Variants in EPS15 observed in about 807,000 individuals in gnomAD.
EPS15 encodes epidermal growth factor receptor pathway substrate 15.
EPS15 carries 72 observed loss-of-function variants against 113.8 expected under a neutral mutation model. The observed-to-expected ratio is 0.63, with a 90% CI of 0.52 to 0.77. The LOEUF (loss-of-function observed/expected upper bound fraction) is 0.77. Among genes scored for constraint, EPS15 ranks in the 30% least tolerant of loss-of-function variants. The pLI is 0.00. For synonymous variants in EPS15, 344 were observed against 363.4 expected, an observed-to-expected ratio of 0.95 and a Z score of 0.61; for missense variants, 1,048 against 1,045.8, an observed-to-expected ratio of 1.00 and a Z score of -0.03.
At chr1:51,416,087 C>T (rs1358004669) in intron 13 of EPS15, among the ~76,000 whole-genome samples, 2 of 152,098 alleles carry the variant, frequency 1.3e-5, no homozygotes, top group Non-Finnish European at 2.9e-5. Context: ...ATGTACCTCT[C>T]TCTCTCTTCC....
At chr1:51,501,226 G>A (rs1644407839) in intron 1 of EPS15, among the ~76,000 whole-genome samples, 1 of 151,582 alleles carries the variant, frequency 6.6e-6, no homozygotes, top group East Asian at 2.0e-4. Flanking sequence ...TGGCCAACAT[G>A]GGGAAACCCG....
intron 1 of EPS15, among the ~76,000 whole-genome samples, chr1:51,482,490 A>T (rs528819685): frequency 7.2e-5 from 11 of 152,232 alleles, no homozygotes; most frequent in African/African-American, 2.6e-4. Context: ...AGAGTAAAAA[A>T]AAATGAAGTC....
chr1:51,458,441 A>G (rs1570350396), intron 8 of EPS15: 3 of 349,138 alleles, frequency 8.6e-6, no homozygotes, highest in South Asian at 6.0e-5. Flanking sequence ...TACTCTAACT[A>G]TATTTTTGTC....
chr1:51,358,829 C>A (rs569816919), intron 24 of EPS15, among the ~76,000 whole-genome samples: 73 of 151,536 alleles, frequency 4.8e-4, no homozygotes, highest in Non-Finnish European at 9.0e-4. Flanking sequence ...ACCTCAGCCT[C>A]CCTAGCTGGG....
At chr1:51,371,415 G>C (rs1387276871) in intron 21 of EPS15, among the ~76,000 whole-genome samples, 1 of 151,754 alleles carries the variant, frequency 6.6e-6, no homozygotes. Context: ...TGATGGTCCT[G>C]ACCCCGTGCA....
rs1429067977 is a variant in EPS15 at position 51,399,046 on chromosome 1, T to C, written c.2038A>G (p.Ser680Gly). Residue 680 changes from serine to glycine, a missense_variant, in exon 20 of 25, where the codon AGC becomes GGC. Physicochemically the swap from Ser to Gly is moderately conservative, Grantham distance 56 (BLOSUM62 0). Coordinates refer to ENST00000371733, the MANE Select transcript of EPS15 (RefSeq NM_001981.3). Reference sequence around the variant, plus strand: ...CTCCCACTTACCGATGTAATACTGCTATTGTTGGCTGCACTGAAAGGGTCA... The same window carrying C: ...CTCCCACTTACCGATGTAATACTGCCATTGTTGGCTGCACTGAAAGGGTCA... ...STDPFSAANN[S>G]SITSVETLKH... is the part of the protein sequence containing the mutation. 14 of 1,613,624 alleles carry C rather than the reference T, an allele frequency of 8.7e-6. No homozygotes were observed. Among genetic ancestry groups the C allele is most frequent in the Non-Finnish European group, 1.2e-5 (14 of 1,179,836 alleles).
At chr1:51,465,451 T>C in intron 5 of EPS15, 125 bp from the exon 6 acceptor site, 1 of 544,658 alleles carries the variant, frequency 1.8e-6, no homozygotes, top group Non-Finnish European at 3.3e-6. Flanking sequence ...CACAGGACAC[T>C]ATTTTACATT....
rs193049145 is a variant in EPS15 at position 51,490,132 on chromosome 1, T to C, written c.34-8818A>G. On this transcript the variant is annotated intron_variant, in intron 1 of 24. Transcript: ENST00000371733. ...ATTAAATGTCAAGAATTGTCTCATA[T>C]GGAATTTCTGGTGTCATTTTTAGGG... is the stretch of plus-strand genomic sequence containing the variant. Among the ~76,000 whole-genome samples, 62 of 152,348 alleles carry C rather than the reference T, an allele frequency of 4.1e-4. 1 individual carries two copies. Among genetic ancestry groups the C allele is most frequent in the Admixed American group, 2.4e-3 (36 of 15,304 alleles).
At chr1:51,368,400 G>A (rs1204855441) in intron 21 of EPS15, among the ~76,000 whole-genome samples, 1 of 152,092 alleles carries the variant, frequency 6.6e-6, no homozygotes, top group African/African-American at 2.4e-5. Context: ...GGCCTTTAGG[G>A]ATATACCAGC....
At chr1:51,363,524 A>C (rs1362691416) in intron 23 of EPS15, among the ~76,000 whole-genome samples, 1 of 152,198 alleles carries the variant, frequency 6.6e-6, no homozygotes, top group Non-Finnish European at 1.5e-5. Context: ...AAAGTACAGG[A>C]AACTGCTATT....
At chr1:51,431,461 T>C (rs1651731975) in intron 12 of EPS15, among the ~76,000 whole-genome samples, 1 of 151,942 alleles carries the variant, frequency 6.6e-6, no homozygotes, top group African/African-American at 2.4e-5. Flanking sequence ...CTTTTTTTTT[T>C]TGGAGACAGA....
chr1:51,374,604 C>CCAAAA (rs1646742036), intron 21 of EPS15, among the ~76,000 whole-genome samples: 1 of 152,112 alleles, frequency 6.6e-6, no homozygotes, highest in Admixed American at 6.6e-5. Flanking sequence ...AACTCTGTCT[C>CCAAAA]CAAAACAAAA....
intron 2 of EPS15, among the ~76,000 whole-genome samples, chr1:51,474,255 T>C (rs1019841796): frequency 2.0e-5 from 3 of 152,244 alleles, no homozygotes; most frequent in Admixed American, 6.5e-5. Flanking sequence ...CTGATATATC[T>C]TCAACAAAGA....
chr1:51,372,548 A>G, intron 21 of EPS15: 1 of 528,648 alleles, frequency 1.9e-6, no homozygotes. Context: ...GTGGTACCAC[A>G]CAGGCCCTAA....
intron 1 of EPS15, among the ~76,000 whole-genome samples, chr1:51,518,794 G>GC (rs1284295540): frequency 6.6e-6 from 1 of 151,080 alleles, no homozygotes; most frequent in Non-Finnish European, 1.5e-5. Context: ...GGTGCGGCCG[G>GC]CCCGCGCGAG....
At chr1:51,482,601 C>A (rs1272397489) in intron 1 of EPS15, among the ~76,000 whole-genome samples, 16 of 151,994 alleles carry the variant, frequency 1.1e-4, no homozygotes, top group Admixed American at 1.0e-3. Context: ...CAAGTAGCAG[C>A]ATTACAGGCG....
intron 12 of EPS15, among the ~76,000 whole-genome samples, chr1:51,439,080 G>A (rs1051179257): frequency 2.6e-5 from 4 of 152,074 alleles, no homozygotes; most frequent in Non-Finnish European, 5.9e-5. Context: ...CATGTAGCTA[G>A]ATGTACTATA....
rs1373197048 is a variant in EPS15 at position 51,448,074 on chromosome 1, G to A, written c.623C>T (p.Ala208Val). The change falls in exon 9 of 25, where the codon GCC becomes GTC. Residue 208 changes from alanine (A) to valine (V), a missense_variant. Physicochemically the swap from Ala to Val is moderately conservative, Grantham distance 64 (BLOSUM62 0). Coordinates refer to ENST00000371733, the MANE Select transcript of EPS15 (RefSeq NM_001981.3). ...KEPVPMSLPP[A>V]LVPPSKRKTW... ...TTTTCTCTTAGATGGTGGCACCAAG[G>A]CTGGAGGCAAGGACATTGGCACAGG... The A allele has an allele frequency of 1.2e-6, 2 of 1,613,720 alleles. No homozygotes were observed. The highest frequency in any genetic ancestry group is 1.3e-5 in the African/African-American group (1 of 74,998).
intron 1 of EPS15, among the ~76,000 whole-genome samples, chr1:51,507,701 C>T (rs998787934): frequency 2.0e-5 from 3 of 150,794 alleles, no homozygotes; most frequent in Admixed American, 2.0e-4. Flanking sequence ...ATGTTACATA[C>T]ATATATATAC....
Sources: allele counts gnomAD v4.1 joint callset (sites outside exome capture counted in the v4.1 genomes callset), GRCh38; gene constraint gnomAD v4.1.1; transcripts MANE v1.5; gene names NCBI Gene and HGNC (gene_info 2026-07-23, HGNC 2026-07-21).